The following PLOD2 variants were observed in gnomAD, a reference collection of about 807,000 sequenced individuals.
PLOD2 encodes lysine hydroxylase 2.
Under a neutral mutation model 101.0 loss-of-function variants are expected in PLOD2, and 65 were observed. The ratio of observed to expected loss-of-function variants is 0.64; its 90% confidence interval spans 0.53 to 0.79. The LOEUF is 0.79. Ranked by LOEUF, PLOD2 falls within the 30% of genes least tolerant of loss-of-function variation. The probability of loss-of-function intolerance (pLI) is 0.00; values close to 1 mark genes in which losing one functional copy is unlikely to be tolerated. For synonymous variants in PLOD2, 314 were observed against 302.9 expected (o/e 1.04, Z -0.38); for missense variants, 909 against 914.6 (o/e 0.99, Z 0.08).
chr3:146,137,721 G>A (rs1382080292), intron 1 of PLOD2, among the ~76,000 whole-genome samples: 1 of 152,128 alleles, frequency 6.6e-6, no homozygotes, highest in African/African-American at 2.4e-5. Context: ...GTTTGTATGG[G>A]GAGCTCCTGG....
Position 146,102,914 on chromosome 3 carries a change from C to T in PLOD2, c.680-62G>A, listed in dbSNP as rs71300377. 0.033 allele frequency: 28,610 copies of T among 863,418 alleles called. 647 individuals carry two copies. Among genetic ancestry groups the T allele is most frequent in the South Asian group, 0.04 (2,958 of 73,380 alleles). 53.5% of individuals were successfully genotyped at this position (863,418 alleles called of 1,614,324 possible). On this transcript the variant is annotated intron_variant, in intron 6 of 19. Transcript: ENST00000282903. ...AAATACGTGTGTGTGTGTCTGTATT[C>T]GTGTGTCTGTGTGTGTATGTGTGTG...
At position 146,085,352 on chromosome 3, in the gene PLOD2, C is replaced by T. The variant is rs57931335; in HGVS notation, c.1128-79G>A. 980 of 748,516 alleles carry T rather than the reference C, an allele frequency of 1.3e-3. 11 individuals are homozygous for T. In the African/African-American group the frequency reaches 0.016, roughly 12 times the overall value. 46.4% of individuals were successfully genotyped at this position (748,516 alleles called of 1,614,324 possible). ...ACTGAAAAATGTTAATATATATATTCTTTTATGTAAAATATGGTTCTCTAG... is the reference window on the plus strand; with the variant it reads ...ACTGAAAAATGTTAATATATATATTTTTTTATGTAAAATATGGTTCTCTAG... On this transcript the variant is annotated intron_variant, in intron 10 of 19. Transcript: ENST00000282903.
At chr3:146,148,156 C>G (rs1440528635) in intron 1 of PLOD2, among the ~76,000 whole-genome samples, 1 of 151,952 alleles carries the variant, frequency 6.6e-6, no homozygotes, top group East Asian at 1.9e-4. Context: ...AACAAACCAA[C>G]TATAAAAAGA....
At chr3:146,113,782 T>C (rs1162239639) in intron 3 of PLOD2, among the ~76,000 whole-genome samples, 1 of 152,126 alleles carries the variant, frequency 6.6e-6, no homozygotes, top group African/African-American at 2.4e-5. Flanking sequence ...TCTGGGCACC[T>C]TGAAAAAAGA....
chr3:146,110,629 T>A (rs116303598), intron 3 of PLOD2, among the ~76,000 whole-genome samples, 181 bp from the exon 4 acceptor site: 1 of 152,214 alleles, frequency 6.6e-6, no homozygotes, highest in African/African-American at 2.4e-5. Flanking sequence ...ATGAATTGTA[T>A]TGAATTATTA....
At chr3:146,147,703 T>C (rs751376145) in intron 1 of PLOD2, among the ~76,000 whole-genome samples, 1 of 152,154 alleles carries the variant, frequency 6.6e-6, no homozygotes. Context: ...CTGAAAGTCA[T>C]AGCATGCGAA....
intron 7 of PLOD2, among the ~76,000 whole-genome samples, chr3:146,094,918 A>C (rs1276154312): frequency 1.3e-5 from 2 of 152,138 alleles, no homozygotes; most frequent in Non-Finnish European, 2.9e-5. Flanking sequence ...ATAACACCAC[A>C]CATCTACAAC....
In PLOD2 at chr3:146,081,014, T is replaced by A. The variant is rs529745793; in HGVS notation, c.1358+724A>T. ...GTCCTGAGAGTATACTGCCCCTTTT[T>A]AATCAGGCTGACATGTTTGAGAACT... On this transcript the variant is annotated intron_variant, in intron 12 of 19. Transcript: ENST00000282903. Among the ~76,000 whole-genome samples, 203 of 152,192 alleles carry A rather than the reference T, an allele frequency of 1.3e-3. 1 individual carries two copies. Among genetic ancestry groups the A allele is most frequent in the Non-Finnish European group, 3.5e-4 (24 of 67,988 alleles).
chr3:146,116,161 A>G (rs1256816006), intron 3 of PLOD2, among the ~76,000 whole-genome samples: 5 of 152,028 alleles, frequency 3.3e-5, no homozygotes, highest in Non-Finnish European at 4.4e-5. Flanking sequence ...GCATATGTCT[A>G]TATTTCCAGA....
intron 3 of PLOD2, among the ~76,000 whole-genome samples, chr3:146,111,298 T>C (rs1489126421): frequency 1.3e-5 from 2 of 152,286 alleles, no homozygotes; most frequent in East Asian, 3.9e-4. Flanking sequence ...TGACTTACCA[T>C]CCCAGGTAGC....
At chr3:146,092,020 C>A in intron 7 of PLOD2, 119 bp from the exon 8 acceptor site, 2 of 679,108 alleles carry the variant, frequency 2.9e-6, no homozygotes, top group Non-Finnish European at 2.7e-6. Context: ...TTTAGTAATT[C>A]TACTAATATA....
chr3:146,110,906 T>A (rs1213206339), intron 3 of PLOD2, among the ~76,000 whole-genome samples: 1 of 152,216 alleles, frequency 6.6e-6, no homozygotes, highest in Non-Finnish European at 1.5e-5. Flanking sequence ...CTGCTAAATG[T>A]CATCAATGTA....
intron 2 of PLOD2, chr3:146,123,193 G>T (rs1371386601): frequency 3.6e-5 from 12 of 334,190 alleles, no homozygotes; most frequent in Admixed American, 5.4e-5. Context: ...TACTCAAATG[G>T]ATCAGTTTTT....
intron 1 of PLOD2, among the ~76,000 whole-genome samples, chr3:146,155,263 G>A (rs2032243162): frequency 6.6e-6 from 1 of 152,070 alleles, no homozygotes; most frequent in Admixed American, 6.5e-5. Flanking sequence ...GTTTCAGGCT[G>A]TAGTGAGCTA....
chr3:146,106,579 C>A lies in PLOD2; in HGVS notation c.568G>T (p.Asp190Tyr), dbSNP rs1255859788. The change falls in exon 5 of 20, where the codon GAT (aspartate) becomes TAT (tyrosine). Residue 190 changes from aspartate (D) to tyrosine (Y), a missense_variant. Physicochemically the swap from Asp to Tyr is radical, Grantham distance 160. Coordinates refer to ENST00000282903, the MANE Select transcript of PLOD2 (RefSeq NM_182943.3). ...VQQWNLQDND[D>Y]DQLFYTKVYI... is the part of the protein sequence containing the mutation. ...ACTTTAGTGTAAAAGAGCTGATCATCATCATTATCCTGGAGATTCCATTGT... is the reference window on the plus strand; with the variant it reads ...ACTTTAGTGTAAAAGAGCTGATCATAATCATTATCCTGGAGATTCCATTGT... 1.9e-6 allele frequency: 3 copies of A among 1,597,782 alleles called. No individual in the cohort carries two copies. Among genetic ancestry groups the A allele is most frequent in the African/African-American group, 1.3e-5 (1 of 74,532 alleles).
At chr3:146,103,941 T>C (rs895423532) in intron 6 of PLOD2, among the ~76,000 whole-genome samples, 1 of 152,086 alleles carries the variant, frequency 6.6e-6, no homozygotes, top group Non-Finnish European at 1.5e-5. Context: ...TCTAATACTC[T>C]GGGTAATTCG....
rs1936362574 is a variant in PLOD2 at position 146,076,884 on chromosome 3, C to T, written c.1575G>A (p.Met525Ile). The T allele has an allele frequency of 2.0e-6, 3 of 1,537,124 alleles. No homozygotes were observed. The highest frequency in any genetic ancestry group is 2.2e-5 in the South Asian group (2 of 89,128). Residue 525 changes from methionine (M) to isoleucine (I), a missense_variant, in exon 15 of 20, where the codon ATG becomes ATA. By Grantham distance (10) the Met-to-Ile change is conservative (BLOSUM62 1). Coordinates refer to ENST00000282903, the MANE Select transcript of PLOD2 (RefSeq NM_182943.3). ...CAAATTCATGTCTATTAGAAATGTA[C>T]ATAAATACACCCTATATGCCAGAAA... Reference protein sequence around the residue: ...QMLSPPKGVFMYISNRHEFGR... With the variant: ...QMLSPPKGVFIYISNRHEFGR...
chr3:146,111,405 T>C (rs946874779), intron 3 of PLOD2, among the ~76,000 whole-genome samples: 2 of 152,106 alleles, frequency 1.3e-5, no homozygotes, highest in African/African-American at 2.4e-5. Context: ...AGAATAACCT[T>C]AGGACAAGTC....
chr3:146,152,288 C>CA (rs1265174645), intron 1 of PLOD2, among the ~76,000 whole-genome samples: 1 of 152,038 alleles, frequency 6.6e-6, no homozygotes, highest in Non-Finnish European at 1.5e-5. Context: ...GCCGTGGTGG[C>CA]ACGCACCTGT....
Sources: gnomAD v4.1 joint callset for allele counts (sites outside exome capture counted in the v4.1 genomes callset) on GRCh38, gnomAD v4.1.1 for gene constraint, MANE v1.5 for transcripts, NCBI Gene and HGNC (gene_info 2026-07-23, HGNC 2026-07-21) for gene names.